Variants in DLG2 observed in about 807,000 individuals in gnomAD.
DLG2 encodes the protein disks large homolog 2.
Under a neutral mutation model 132.5 loss-of-function variants are expected in DLG2, and 45 were observed. The ratio of observed to expected loss-of-function variants is 0.34; its 90% CI spans 0.27 to 0.44. DLG2 has a LOEUF of 0.44. Among genes scored for constraint, DLG2 ranks in the 20% least tolerant of loss-of-function variants. The probability of loss-of-function intolerance (pLI) is 1.00; values close to 1 mark genes in which losing one functional copy is unlikely to be tolerated. For missense variants in DLG2, 1,045 were observed against 1,196.9 expected (o/e 0.87, Z 1.87); for synonymous variants, 424 against 419.6 (o/e 1.01, Z -0.13).
chr11:84,194,005 C>A (rs1017963546), intron 8 of DLG2, among the ~76,000 whole-genome samples: 2 of 152,118 alleles, frequency 1.3e-5, no homozygotes, highest in East Asian at 1.9e-4. Context: ...GCCAAAGGAC[C>A]ACAGACTCAA....
intron 9 of DLG2, among the ~76,000 whole-genome samples, chr11:84,115,325 T>G (rs1027133117): frequency 6.6e-6 from 1 of 152,212 alleles, no homozygotes; most frequent in East Asian, 1.9e-4. Flanking sequence ...AAATATTTTC[T>G]GGAAGCAAGT....
intron 6 of DLG2, among the ~76,000 whole-genome samples, chr11:85,079,029 G>GC (rs2066907659): frequency 6.6e-6 from 1 of 151,956 alleles, no homozygotes; most frequent in South Asian, 2.1e-4. Flanking sequence ...TTTAGGGGGG[G>GC]GGTCTGAGAC....
intron 4 of DLG2, among the ~76,000 whole-genome samples, chr11:85,167,758 T>C (rs538736893): frequency 6.6e-6 from 1 of 152,268 alleles, no homozygotes; most frequent in African/African-American, 2.4e-5. Context: ...TTATGTTAAA[T>C]TAATGCATAT....
intron 3 of DLG2, among the ~76,000 whole-genome samples, chr11:85,590,795 T>TA (rs1372675198): frequency 6.6e-6 from 1 of 152,134 alleles, no homozygotes; most frequent in East Asian, 1.9e-4. Flanking sequence ...TACCACATAT[T>TA]AGTTACAGTG....
At chr11:83,692,298 C>G (rs1194883655) in intron 18 of DLG2, among the ~76,000 whole-genome samples, 3 of 152,076 alleles carry the variant, frequency 2.0e-5, no homozygotes, top group Non-Finnish European at 2.9e-5. Context: ...AAATTATTGG[C>G]AAATCATTTA....
At chr11:84,969,152 T>A (rs1008248382) in intron 6 of DLG2, among the ~76,000 whole-genome samples, 2 of 152,056 alleles carry the variant, frequency 1.3e-5, no homozygotes, top group African/African-American at 4.8e-5. Flanking sequence ...CCATAATACC[T>A]TAATAACATT....
At chr11:84,849,693 G>T (rs933993219) in intron 6 of DLG2, among the ~76,000 whole-genome samples, 7 of 152,006 alleles carry the variant, frequency 4.6e-5, no homozygotes, top group Non-Finnish European at 8.8e-5. Context: ...GTTTTCTTCA[G>T]TTACGATATG....
At chr11:83,788,087 T>C (rs759815312) in intron 17 of DLG2, among the ~76,000 whole-genome samples, 26 of 152,202 alleles carry the variant, frequency 1.7e-4, no homozygotes, top group Middle Eastern at 3.2e-3. Context: ...CAGGTTGATA[T>C]GGGCTATGAA....
intron 8 of DLG2, among the ~76,000 whole-genome samples, chr11:84,195,487 C>G (rs1420081071): frequency 6.6e-6 from 1 of 152,044 alleles, no homozygotes; most frequent in African/African-American, 2.4e-5. Flanking sequence ...TCTCCGCCTA[C>G]CCAATATTTC....
At chr11:84,422,704 A>C (rs1284721712) in intron 7 of DLG2, among the ~76,000 whole-genome samples, 1 of 152,200 alleles carries the variant, frequency 6.6e-6, no homozygotes, top group African/African-American at 2.4e-5. Flanking sequence ...TAATTAGCTG[A>C]AACCTAAATT....
intron 4 of DLG2, among the ~76,000 whole-genome samples, chr11:85,270,878 G>T (rs1344209753): frequency 6.6e-6 from 1 of 152,152 alleles, no homozygotes; most frequent in East Asian, 1.9e-4. Context: ...TCCTATTAAA[G>T]GTATACAGTA....
chr11:83,928,295 T>C (rs765136534), intron 15 of DLG2, among the ~76,000 whole-genome samples: 91 of 152,030 alleles, frequency 6.0e-4, no homozygotes, highest in Non-Finnish European at 1.1e-3. Context: ...ATGTTTTTAT[T>C]TGAAAAATAA....
intron 21 of DLG2, among the ~76,000 whole-genome samples, chr11:83,493,768 C>G (rs967073283): frequency 1.3e-5 from 2 of 152,044 alleles, no homozygotes; most frequent in Non-Finnish European, 2.9e-5. Context: ...AGTGAATAAA[C>G]AAATCAATGA....
chr11:85,260,985 A>G (rs190080300), intron 4 of DLG2, among the ~76,000 whole-genome samples: 1 of 152,284 alleles, frequency 6.6e-6, no homozygotes, highest in Admixed American at 6.5e-5. Flanking sequence ...TTTAATCTAA[A>G]GTCTCTCTTG....
chr11:84,992,271 T>C (rs79796029), intron 6 of DLG2, among the ~76,000 whole-genome samples: 4,862 of 152,332 alleles, frequency 0.032, 104 homozygotes, highest in African/African-American at 0.047. Context: ...GTAAGTAATA[T>C]GCATTGGATT....
At chr11:84,407,090 C>A (rs1000054164) in intron 7 of DLG2, among the ~76,000 whole-genome samples, 2 of 152,126 alleles carry the variant, frequency 1.3e-5, no homozygotes, top group Non-Finnish European at 2.9e-5. Flanking sequence ...AACTGGGCTT[C>A]CGCACCTCAG....
chr11:84,824,788 C>T (rs923069280), intron 6 of DLG2, among the ~76,000 whole-genome samples: 4 of 151,814 alleles, frequency 2.6e-5, no homozygotes, highest in South Asian at 2.1e-4. Context: ...GCTTAAGTGT[C>T]GCAACACTCA....
chr11:83,665,528 A>T (rs1046115181), intron 18 of DLG2, among the ~76,000 whole-genome samples: 5 of 152,232 alleles, frequency 3.3e-5, no homozygotes, highest in African/African-American at 1.2e-4. Flanking sequence ...CTCTGCAGGG[A>T]TGACCTGAGG....
intron 19 of DLG2, among the ~76,000 whole-genome samples, chr11:83,611,565 C>T (rs919425229): frequency 5.3e-5 from 8 of 152,158 alleles, no homozygotes; most frequent in African/African-American, 1.9e-4. Context: ...TTAATTAAGA[C>T]TTTTACACTT....
Sources: allele counts gnomAD v4.1 joint callset (sites outside exome capture counted in the v4.1 genomes callset), GRCh38; gene constraint gnomAD v4.1.1; transcripts MANE v1.5; gene names NCBI Gene and HGNC (gene_info 2026-07-23, HGNC 2026-07-21).